Variants in NHSL1 observed in about 807,000 individuals in gnomAD.
NHSL1 encodes NHS-like protein 1.
NHSL1 carries 48 observed loss-of-function variants against 95.0 expected under a neutral mutation model. The observed-to-expected ratio is 0.51, with a 90% CI of 0.40 to 0.64. The LOEUF is 0.64. Ranked by LOEUF, NHSL1 falls within the 30% of genes least tolerant of loss-of-function variation. The probability of loss-of-function intolerance (pLI) is 0.00; values close to 1 mark genes in which losing one functional copy is unlikely to be tolerated. For synonymous variants in NHSL1, 783 were observed against 833.9 expected (o/e 0.94, Z 1.05); for missense variants, 1,971 against 2,077.7 (o/e 0.95, Z 1.00).
chr6:138,529,473 A>G (rs1424084381), intron 1 of NHSL1, among the ~76,000 whole-genome samples: 1 of 152,198 alleles, frequency 6.6e-6, no homozygotes, highest in African/African-American at 2.4e-5. Context: ...ACAACTTAAC[A>G]TGAATTTAGC....
In NHSL1 at chr6:138,442,024, T is replaced by C. The variant is rs750295036; in HGVS notation, c.623A>G (p.Lys208Arg). The C allele has an allele frequency of 4.5e-6, 7 of 1,551,374 alleles. No homozygotes were observed. Among genetic ancestry groups the C allele is most frequent in the Non-Finnish European group, 6.1e-6 (7 of 1,146,878 alleles). Residue 208 changes from lysine (K) to arginine (R), a missense_variant, in exon 5 of 8, where the codon AAG (lysine) becomes AGG (arginine). Coordinates refer to ENST00000343505, the MANE Select transcript of NHSL1 (RefSeq NM_001144060.2). Reference protein sequence around the residue: ...VRRPKKVKRRKTITGVPDNIQ... With the variant: ...VRRPKKVKRRRTITGVPDNIQ... ...GTTGTCAGGGACTCCTGTAATAGTCTTTCTCCTTTTGACTTTCTTCGGTCG... is the reference window on the plus strand; with the variant it reads ...GTTGTCAGGGACTCCTGTAATAGTCCTTCTCCTTTTGACTTTCTTCGGTCG...
intron 1 of NHSL1, chr6:138,571,611 C>T: frequency 9.0e-7 from 1 of 1,117,312 alleles, no homozygotes; most frequent in Non-Finnish European, 1.3e-6. Flanking sequence ...AAAAGAAACT[C>T]CTAATGGGGG....
intron 1 of NHSL1, among the ~76,000 whole-genome samples, chr6:138,585,123 A>G (rs1784113361): frequency 6.6e-6 from 1 of 152,258 alleles, no homozygotes; most frequent in Admixed American, 6.5e-5. Flanking sequence ...TTTCAGCAAC[A>G]GCAGGAGCAG....
rs1282946967 is a variant in NHSL1 at position 138,512,146 on chromosome 6, G to C, written c.17-15775C>G. The C allele has an allele frequency of 8.8e-6, 3 of 340,510 alleles. No individual in the cohort carries two copies. The East Asian group carries it at 2.5e-4, about 29-fold the overall frequency. 21.1% of individuals were successfully genotyped at this position (340,510 alleles called of 1,614,324 possible). ...TCATTAGCAAACCATATTTAATTAA[G>C]TATACATTTAGGCTGCTGAGGGCAG... is the stretch of plus-strand genomic sequence containing the variant. On this transcript the variant is annotated intron_variant, in intron 1 of 4. Coordinates refer to the NHSL1 transcript ENST00000342260.
chr6:138,450,633 A>C (rs1169734042), intron 3 of NHSL1, among the ~76,000 whole-genome samples: 1 of 152,216 alleles, frequency 6.6e-6, no homozygotes, highest in Admixed American at 6.5e-5. Flanking sequence ...CGTAGGGACA[A>C]TCACCACAGA....
At chr6:138,619,147 G>A (rs1386042137) in intron 1 of NHSL1, among the ~76,000 whole-genome samples, 6 of 152,144 alleles carry the variant, frequency 3.9e-5, no homozygotes, top group Admixed American at 1.3e-4. Context: ...AGATCAGCCC[G>A]GCCAACATGG....
intron 1 of NHSL1, among the ~76,000 whole-genome samples, chr6:138,552,006 C>A (rs536106527): frequency 1.3e-5 from 2 of 152,270 alleles, no homozygotes; most frequent in East Asian, 3.9e-4. Context: ...AGCAGTAAGG[C>A]AACTACACAA....
At chr6:138,467,362 C>T (rs1778457968) in intron 3 of NHSL1, among the ~76,000 whole-genome samples, 1 of 152,138 alleles carries the variant, frequency 6.6e-6, no homozygotes, top group African/African-American at 2.4e-5. Context: ...CCGTGTTAGC[C>T]AGGATGGTCT....
At chr6:138,457,407 G>A (rs1226433968) in intron 3 of NHSL1, among the ~76,000 whole-genome samples, 1 of 151,840 alleles carries the variant, frequency 6.6e-6, no homozygotes, top group Non-Finnish European at 1.5e-5. Context: ...TTTCACATTA[G>A]GATAATGAAG....
intron 1 of NHSL1, among the ~76,000 whole-genome samples, chr6:138,590,281 AGCCACTGC>A (rs1237465585): frequency 1.3e-5 from 2 of 152,200 alleles, no homozygotes; most frequent in African/African-American, 4.8e-5. Context: ...TCCAGGCGTA[AGCCACTGC>A]GCCCGGCCTA....
chr6:138,549,327 G>A (rs1323289214), upstream of NHSL1, among the ~76,000 whole-genome samples: 2 of 152,196 alleles, frequency 1.3e-5, no homozygotes, highest in Non-Finnish European at 2.9e-5. Flanking sequence ...AGGTTGCAGT[G>A]AGCCAAGATT....
intron 1 of NHSL1, among the ~76,000 whole-genome samples, chr6:138,688,652 A>C (rs551650267): frequency 1.3e-5 from 2 of 152,274 alleles, no homozygotes; most frequent in East Asian, 3.9e-4. Context: ...CAAAAAAATT[A>C]AAATAAAAAT....
chr6:138,637,869 T>C (rs1784907383), intron 1 of NHSL1, among the ~76,000 whole-genome samples: 1 of 152,244 alleles, frequency 6.6e-6, no homozygotes, highest in South Asian at 2.1e-4. Flanking sequence ...GCAATCCTAC[T>C]ACTAGGTATA....
At chr6:138,442,791 A>G (rs1423213330) in intron 4 of NHSL1, among the ~76,000 whole-genome samples, 1 of 152,202 alleles carries the variant, frequency 6.6e-6, no homozygotes, top group African/African-American at 2.4e-5. Context: ...TAATTCAGAC[A>G]TTTCAAGTGA....
chr6:138,683,270 G>A (rs944166458), intron 1 of NHSL1, among the ~76,000 whole-genome samples: 2 of 152,158 alleles, frequency 1.3e-5, no homozygotes, highest in Admixed American at 1.3e-4. Flanking sequence ...AGGTATTTTT[G>A]TGTTTATCTC....
intron 3 of NHSL1, among the ~76,000 whole-genome samples, chr6:138,466,343 TGGC>T: frequency 6.6e-6 from 1 of 152,200 alleles, no homozygotes; most frequent in Admixed American, 6.5e-5. Flanking sequence ...GCCTGGCCAC[TGGC>T]CCCACATACA....
chr6:138,525,860 G>A (rs576714128), intron 1 of NHSL1, among the ~76,000 whole-genome samples: 1 of 152,048 alleles, frequency 6.6e-6, no homozygotes, highest in Admixed American at 6.5e-5. Flanking sequence ...ACTTTGGGAG[G>A]CCAAGGTAGG....
rs115009867 is a variant in NHSL1, at chr6:138,461,937, T to C, written c.339+11369A>G. Reference sequence around the variant, plus strand: ...GAGAGGTTGGCCTTATTCATCCCACTGGAAAAATACTGAGTGCCTACTGTG... The same window carrying C: ...GAGAGGTTGGCCTTATTCATCCCACCGGAAAAATACTGAGTGCCTACTGTG... On this transcript the variant is annotated intron_variant, in intron 3 of 7. Coordinates refer to ENST00000343505, the MANE Select transcript of NHSL1 (RefSeq NM_001144060.2). Among the ~76,000 whole-genome samples, 372 of 152,276 alleles carry C rather than the reference T, an allele frequency of 2.4e-3. 1 individual carries two copies. The highest frequency in any genetic ancestry group is 8.3e-3 in the African/African-American group (346 of 41,538).
chr6:138,436,870 C>A (rs965827158), intron 5 of NHSL1, among the ~76,000 whole-genome samples: 1 of 152,164 alleles, frequency 6.6e-6, no homozygotes, highest in Non-Finnish European at 1.5e-5. Flanking sequence ...GTAAATGGAA[C>A]AACAAAGCCT....
Sources: allele counts gnomAD v4.1 joint callset (sites outside exome capture counted in the v4.1 genomes callset), GRCh38; gene constraint gnomAD v4.1.1; transcripts MANE v1.5; gene names NCBI Gene and HGNC (gene_info 2026-07-23, HGNC 2026-07-21).